PREX1: variants seen among roughly 807,000 people sequenced by gnomAD.
The protein encoded by PREX1 is phosphatidylinositol-3,4,5-trisphosphate dependent Rac exchange factor 1, also known as phosphatidylinositol 3,4,5-trisphosphate-dependent Rac exchanger 1 protein.
A neutral mutation model predicts 198.3 loss-of-function variants in PREX1; 41 were observed. The observed-to-expected ratio is 0.21, with a 90% CI of 0.16 to 0.27. PREX1 has a LOEUF of 0.27. Ranked by LOEUF, PREX1 falls within the 10% of genes least tolerant of loss-of-function variation. The probability of loss-of-function intolerance (pLI) is 1.00; values close to 1 mark genes in which losing one functional copy is unlikely to be tolerated. For missense variants in PREX1, 1,620 were observed against 2,200.7 expected, an observed-to-expected ratio of 0.74 and a Z score of 5.28; for synonymous variants, 843 against 887.2, an observed-to-expected ratio of 0.95 and a Z score of 0.89.
rs143505323 is a variant in PREX1, at chr20:48,673,836, C to T, written c.1665+2357G>A. ...GATGAGGAATCATAGTAATAGTTAA[C>T]GTTTATTGAGCAATTACTCTATGTC... On this transcript the variant is annotated intron_variant, in intron 14 of 39. Transcript: ENST00000371941. Among the ~76,000 whole-genome samples, 9 of 152,276 alleles carry T rather than the reference C, an allele frequency of 5.9e-5. No individual in the cohort carries two copies. The East Asian group carries it at 1.5e-3, about 26-fold the overall frequency.
intron 9 of PREX1, among the ~76,000 whole-genome samples, chr20:48,689,933 CAT>C (rs1342704768): frequency 2.0e-5 from 3 of 152,118 alleles, no homozygotes; most frequent in African/African-American, 4.8e-5. Context: ...ATGGGTGTGA[CAT>C]ATATGTGAAA....
intron 4 of PREX1, 81 bp downstream of exon 4, chr20:48,734,452 GGCACCATGGGGCA>G (rs1295235996): frequency 1.9e-6 from 2 of 1,061,288 alleles, no homozygotes; most frequent in Non-Finnish European, 2.9e-6. Context: ...GAAAGGATTT[GGCACCATGGGGCA>G]GCATGAAGTC....
At chr20:48,789,574 C>T (rs140296058) in intron 1 of PREX1, among the ~76,000 whole-genome samples, 4 of 152,292 alleles carry the variant, frequency 2.6e-5, no homozygotes, top group African/African-American at 9.6e-5. Flanking sequence ...AGGCTATCAG[C>T]CAGCCCCCAC....
At chr20:48,867,269 G>C in the PREX1 span, among the ~76,000 whole-genome samples, 1 of 152,222 alleles carries the variant, frequency 6.6e-6, no homozygotes, top group Non-Finnish European at 1.5e-5. Context: ...TGTAACAGGT[G>C]GGAAAATAGA....
rs2089473197 is a variant in PREX1, at chr20:48,649,227, C to T, written c.3305+73G>A. ...CCCCCACTACAAAGAATGATGCTAC[C>T]CACAATGTCAGTAAGGCCAGGATTG... On this transcript the variant is annotated intron_variant, in intron 25 of 39. Transcript: ENST00000371941. 2.6e-6 allele frequency: 4 copies of T among 1,554,342 alleles called. No individual in the cohort carries two copies. The Admixed American group carries it at 7.1e-5, about 28-fold the overall frequency.
At chr20:48,652,356 C>T (rs1163244364) in intron 21 of PREX1, among the ~76,000 whole-genome samples, 2 of 151,914 alleles carry the variant, frequency 1.3e-5, no homozygotes, top group African/African-American at 4.8e-5. Context: ...AGGTGGATCA[C>T]TTGAACCAGG....
At chr20:48,683,630 G>C (rs2089766413) in intron 10 of PREX1, among the ~76,000 whole-genome samples, 2 of 152,202 alleles carry the variant, frequency 1.3e-5, no homozygotes, top group South Asian at 4.1e-4. Context: ...GGCCTGCCGT[G>C]TCTAAAGCTG....
rs567835247 is a variant in PREX1, at chr20:48,731,723, C to T, written c.519+2823G>A. Among the ~76,000 whole-genome samples the T allele has an allele frequency of 3.3e-4, 50 of 152,334 alleles. 1 individual carries two copies. Among genetic ancestry groups the T allele is most frequent in the Admixed American group, 1.0e-3 (16 of 15,310 alleles). On this transcript the variant is annotated intron_variant, in intron 4 of 39. Coordinates refer to ENST00000371941, the MANE Select transcript of PREX1 (RefSeq NM_020820.4). ...CTGCACGTGGCCAAAAGCTGGGAGA[C>T]GCCAGCAAGGAGGGAGACAGATGGC...
At chr20:48,820,890 C>A (rs1029091923) in intron 1 of PREX1, among the ~76,000 whole-genome samples, 3 of 152,178 alleles carry the variant, frequency 2.0e-5, no homozygotes, top group African/African-American at 7.2e-5. Context: ...AGAAATGACC[C>A]CGTGAAACCT....
rs73911651 is a variant in PREX1, at chr20:48,720,420, G to A, written c.621+5870C>T. On this transcript the variant is annotated intron_variant, in intron 5 of 39. Coordinates refer to ENST00000371941, the MANE Select transcript of PREX1 (RefSeq NM_020820.4). Reference sequence around the variant, plus strand: ...ACCTCTAGCACCTCAAGCAGTGCCTGACACATAACAGTTGCTCAATAAATA... The same window carrying A: ...ACCTCTAGCACCTCAAGCAGTGCCTAACACATAACAGTTGCTCAATAAATA... 8.0e-3 allele frequency among the ~76,000 whole-genome samples: 1,213 copies of A among 152,200 alleles called. 12 individuals are homozygous for A. The highest frequency in any genetic ancestry group is 0.028 in the African/African-American group (1,157 of 41,516).
At position 48,653,384 on chromosome 20, in the gene PREX1, G is replaced by T. The variant is rs751140183; in HGVS notation, c.2323C>A (p.Arg775=). ...ACCAGGGCCTCTTCGCGCCGACTCC[G>T]GAATGCCTGGAAGTGCTCCAGGACC... ...PEVLEHFQAF[R]SRREEALGLY... The change falls in exon 20 of 40, where the codon CGG becomes AGG. Residue 775 remains arginine, a synonymous_variant. Coordinates refer to ENST00000371941, the MANE Select transcript of PREX1 (RefSeq NM_020820.4). The T allele has an allele frequency of 6.2e-7, 1 of 1,613,530 alleles. No individual in the cohort carries two copies. Among genetic ancestry groups the T allele is most frequent in the African/African-American group, 1.3e-5 (1 of 74,880 alleles).
intron 1 of PREX1, among the ~76,000 whole-genome samples, chr20:48,749,864 T>TA (rs559094080): frequency 2.6e-4 from 38 of 148,782 alleles, no homozygotes; most frequent in South Asian, 1.7e-3. Context: ...GATTTTTTAT[T>TA]AAAAAAAAAA....
chr20:48,736,518 C>T (rs2090057754), intron 3 of PREX1, among the ~76,000 whole-genome samples: 1 of 152,224 alleles, frequency 6.6e-6, no homozygotes. Flanking sequence ...GGGACCCCAG[C>T]ACCCCCAACA....
At chr20:48,669,028 C>G (rs2089658199) in intron 14 of PREX1, among the ~76,000 whole-genome samples, 1 of 152,166 alleles carries the variant, frequency 6.6e-6, no homozygotes, top group Admixed American at 6.5e-5. Flanking sequence ...GCCACCTGAA[C>G]AGGAAGCCCT....
intron 3 of PREX1, among the ~76,000 whole-genome samples, chr20:48,741,392 C>T (rs988224482): frequency 2.6e-5 from 4 of 152,002 alleles, no homozygotes; most frequent in Non-Finnish European, 4.4e-5. Flanking sequence ...CAATGTCTCA[C>T]CCTGTCACCC....
rs550534385 is a variant in PREX1, at chr20:48,695,961, G to A, written c.918-3171C>T. On this transcript the variant is annotated intron_variant, in intron 7 of 39. Coordinates refer to ENST00000371941, the MANE Select transcript of PREX1 (RefSeq NM_020820.4). ...CTTTATTGACAAAAATAGGCACAGG[G>A]CCAAGTCTGGCTACAGAAGGGCCTC... Among the ~76,000 whole-genome samples the A allele has an allele frequency of 2.6e-5, 4 of 152,298 alleles. 1 individual carries two copies. The highest frequency in any genetic ancestry group is 7.2e-5 in the African/African-American group (3 of 41,566).
At chr20:48,883,411 A>T in the PREX1 span, among the ~76,000 whole-genome samples, 2,000 of 152,230 alleles carry the variant, frequency 0.013, 53 homozygotes, top group African/African-American at 0.046. Context: ...GGGCAATTAC[A>T]TAAGGGGGAA....
intron 33 of PREX1, among the ~76,000 whole-genome samples, chr20:48,633,877 G>C (rs1053709788): frequency 7.9e-5 from 12 of 152,358 alleles, no homozygotes; most frequent in East Asian, 1.9e-4. Context: ...AGCTCCAGGA[G>C]GGTAGGAATG....
chr20:48,718,116 G>A (rs1163936947), intron 5 of PREX1, among the ~76,000 whole-genome samples: 3 of 152,156 alleles, frequency 2.0e-5, no homozygotes, highest in Non-Finnish European at 4.4e-5. Context: ...TTTCCTGCAC[G>A]TGCCCTGCAG....
Sources: gnomAD v4.1 joint callset for allele counts (sites outside exome capture counted in the v4.1 genomes callset) on GRCh38, gnomAD v4.1.1 for gene constraint, MANE v1.5 for transcripts, NCBI Gene and HGNC (gene_info 2026-07-23, HGNC 2026-07-21) for gene names.